KDR: variants seen among roughly 807,000 people sequenced by gnomAD.
KDR encodes the protein vascular endothelial growth factor receptor 2.
A neutral mutation model predicts 160.9 loss-of-function variants in KDR; 43 were observed. The ratio of observed to expected loss-of-function variants is 0.27; its 90% CI spans 0.21 to 0.34. The LOEUF (loss-of-function observed/expected upper bound fraction) is 0.34. KDR is among the 10% of genes least tolerant of loss of function. KDR has a pLI of 1.00. For synonymous variants in KDR, 617 were observed against 600.1 expected (o/e 1.03, Z -0.41); for missense variants, 1,469 against 1,666.4 (o/e 0.88, Z 2.06).
At chr4:55,115,812 T>G (rs188645544) in intron 3 of KDR, among the ~76,000 whole-genome samples, 1 of 152,312 alleles carries the variant, frequency 6.6e-6, no homozygotes, top group Admixed American at 6.5e-5. Context: ...ATCTATACAC[T>G]TTACCGACAA....
In KDR at chr4:55,102,342, G is replaced by A. The variant is rs771923606; in HGVS notation, c.2134+20C>T. ...TGGGAAAGTTCTGCAACCCAAGAGT[G>A]ATAGCCAAATTCTATTTACCTGAGT... On this transcript the variant is annotated intron_variant, in intron 14 of 29. Coordinates refer to ENST00000263923, the MANE Select transcript of KDR (RefSeq NM_002253.4). 5.6e-6 allele frequency: 9 copies of A among 1,611,916 alleles called. No individual in the cohort carries two copies. The highest frequency in any genetic ancestry group is 6.8e-6 in the Non-Finnish European group (8 of 1,178,260).
intron 22 of KDR, among the ~76,000 whole-genome samples, chr4:55,091,981 C>T (rs1354225963): frequency 6.6e-6 from 1 of 152,114 alleles, no homozygotes; most frequent in Admixed American, 6.6e-5. Flanking sequence ...TGTCCTTCCT[C>T]GTTTCTAATT....
intron 12 of KDR, 67 bp from the exon 13 acceptor site, chr4:55,105,051 G>T: frequency 1.6e-6 from 2 of 1,289,512 alleles, no homozygotes; most frequent in Non-Finnish European, 2.2e-6. Flanking sequence ...TCATCTTGCT[G>T]CTTTCAGACT....
At position 55,089,985 on chromosome 4, in the gene KDR, T is replaced by C; in HGVS notation, c.3163A>G (p.Lys1055Glu). 12 of 1,614,178 alleles carry C rather than the reference T, an allele frequency of 7.4e-6. No individual in the cohort carries two copies. The highest frequency in any genetic ancestry group is 9.3e-6 in the Non-Finnish European group (11 of 1,180,010). Residue 1055 changes from lysine (K) to glutamate (E), a missense_variant, in exon 23 of 30, where the codon AAA becomes GAA. Physicochemically the swap from Lys to Glu is moderately conservative, Grantham distance 56 (BLOSUM62 1). This residue lies in a region of KDR where 132 missense variants were observed against 195.9 expected (regional missense o/e 0.67). Coordinates refer to ENST00000263923, the MANE Select transcript of KDR (RefSeq NM_002253.4). ...CCTTTTCTGACATAATCTGGATCTT[T>C]ATAAATATCCCGGGCCAAGCCAAAG... Reference protein sequence around the residue: ...CDFGLARDIYKDPDYVRKGDA... With the variant: ...CDFGLARDIYEDPDYVRKGDA...
intron 18 of KDR, chr4:55,096,649 T>C (rs1022526608): frequency 7.3e-6 from 3 of 410,416 alleles, no homozygotes; most frequent in African/African-American, 6.1e-5. Context: ...TCTGCAAAAC[T>C]GGATTTTTGC....
intron 1 of KDR, 44 bp from the exon 2 acceptor site, chr4:55,121,234 G>T: frequency 1.5e-6 from 2 of 1,372,826 alleles, no homozygotes; most frequent in South Asian, 1.2e-5. Context: ...CACTGAGTTA[G>T]ACCTAATAGG....
intron 1 of KDR, 99 bp from the exon 2 acceptor site, chr4:55,121,289 T>C (rs1720867570): frequency 6.2e-6 from 5 of 803,832 alleles, no homozygotes; most frequent in Non-Finnish European, 1.1e-5. Flanking sequence ...TTAAAAGGCC[T>C]CTTCAGCAAT....
chr4:55,114,050 C>T (rs2110030787), intron 6 of KDR, 76 bp downstream of exon 6: 2 of 1,524,716 alleles, frequency 1.3e-6, no homozygotes, highest in South Asian at 2.2e-5. Flanking sequence ...CAAAGAGGCC[C>T]CTATCTCTCA....
chr4:55,101,907 G>A lies in KDR; in HGVS notation c.2256C>T (p.Phe752=). ...VLGCAKVEAF[F]IIEGAQEKTN... is the part of the protein sequence containing the mutation. ...TTTTATCCCACTGACCTTCTATTAT[G>A]AAAAATGCCTCCACTTTTGCACAGC... The change falls in exon 15 of 30, where the codon TTC becomes TTT. Residue 752 remains phenylalanine (F), a synonymous_variant. Transcript: ENST00000263923. 6.2e-7 allele frequency: 1 copy of A among 1,612,972 alleles called. No homozygotes were observed. Among genetic ancestry groups the A allele is most frequent in the South Asian group, 1.1e-5 (1 of 91,060 alleles).
At chr4:55,101,149 G>T (rs1175569153) in intron 15 of KDR, among the ~76,000 whole-genome samples, 1 of 152,112 alleles carries the variant, frequency 6.6e-6, no homozygotes, top group African/African-American at 2.4e-5. Flanking sequence ...CCATGATTAG[G>T]CAGCAATTCT....
chr4:55,108,979 T>C (rs1409721080), intron 9 of KDR, among the ~76,000 whole-genome samples: 3 of 152,170 alleles, frequency 2.0e-5, no homozygotes, highest in Non-Finnish European at 2.9e-5. Flanking sequence ...TGTTTTGTTT[T>C]TATTTCCTGT....
chr4:55,113,284 T>A lies in KDR; in HGVS notation c.976+20A>T, dbSNP rs1720641907. ...TCTCACTTGTCAAGGCACAGAATAATTTCCAAGACCATAGCTTACCATGGA... is the reference window on the plus strand; with the variant it reads ...TCTCACTTGTCAAGGCACAGAATAAATTCCAAGACCATAGCTTACCATGGA... On this transcript the variant is annotated intron_variant, in intron 7 of 29. Coordinates refer to ENST00000263923, the MANE Select transcript of KDR (RefSeq NM_002253.4). 6.2e-7 allele frequency: 1 copy of A among 1,612,374 alleles called. No individual in the cohort carries two copies. The highest frequency in any genetic ancestry group is 1.3e-5 in the African/African-American group (1 of 74,884).
rs370083230 is a variant in KDR, at chr4:55,102,429, C to G, written c.2067G>C (p.Thr689=). ...TCTGTGGAGGGGGATTCCCAGATGCCGTGCATGAGACTTCGATGCTTTCCC... is the reference window on the plus strand; with the variant it reads ...TCTGTGGAGGGGGATTCCCAGATGCGGTGCATGAGACTTCGATGCTTTCCC... ...SIGESIEVSC[T]ASGNPPPQIM... The change falls in exon 14 of 30, where the codon ACG becomes ACC. Residue 689 remains threonine (T), a synonymous_variant. Transcript: ENST00000263923. The G allele has an allele frequency of 6.2e-7, 1 of 1,613,568 alleles. No homozygotes were observed. Among genetic ancestry groups the G allele is most frequent in the South Asian group, 1.1e-5 (1 of 91,076 alleles).
rs111277722 is a variant in KDR at position 55,120,536 on chromosome 4, G to A, written c.161+561C>T. 3.2e-3 allele frequency among the ~76,000 whole-genome samples: 482 copies of A among 152,156 alleles called. 3 individuals carry two copies. Among genetic ancestry groups the A allele is most frequent in the African/African-American group, 0.011 (462 of 41,498 alleles). ...GATGCATTCCAGAATATCAAGGCAG[G>A]GCCCGAAGTCCATTATTTATGTAGA... On this transcript the variant is annotated intron_variant, in intron 2 of 29. Coordinates refer to ENST00000263923, the MANE Select transcript of KDR (RefSeq NM_002253.4).
intron 7 of KDR, 65 bp downstream of exon 7, chr4:55,113,239 A>C: frequency 6.6e-7 from 1 of 1,520,146 alleles, no homozygotes; most frequent in Non-Finnish European, 9.1e-7. Context: ...TCACTAAGTG[A>C]CCTAAATTTA....
At chr4:55,086,360 C>G (rs1322079757) in intron 27 of KDR, among the ~76,000 whole-genome samples, 1 of 152,110 alleles carries the variant, frequency 6.6e-6, no homozygotes, top group Non-Finnish European at 1.5e-5. Flanking sequence ...GATAAAGAAA[C>G]TGAGGCAGAG....
Position 55,096,329 on chromosome 4 carries a change from G to T in KDR, c.2628C>A (p.His876Gln), listed in dbSNP as rs1258858205. Residue 876 changes from histidine to glutamine, a missense_variant, in exon 19 of 30, where the codon CAC (histidine) becomes CAA (glutamine). Physicochemically the swap from His to Gln is conservative, Grantham distance 24. Around this residue, in one of 7 missense-constraint regions of KDR, gnomAD observed 151 missense variants for 207.2 expected, o/e 0.73. Transcript: ENST00000263923. ...AVKMLKEGAT[H>Q]SEHRALMSEL... ...CAGACATGAGAGCTCGATGCTCACT[G>T]TGTGTTGCTCCTTCTACAAATACAG... 1.2e-6 allele frequency: 2 copies of T among 1,610,512 alleles called. No homozygotes were observed. Among genetic ancestry groups the T allele is most frequent in the East Asian group, 2.2e-5 (1 of 44,830 alleles).
Position 55,079,614 on chromosome 4 carries a change from A to G in KDR, c.*327T>C, listed in dbSNP as rs1256045237. 4 of 433,676 alleles carry G rather than the reference A, an allele frequency of 9.2e-6. No homozygotes were observed. The highest frequency in any genetic ancestry group is 5.2e-5 in the South Asian group (2 of 38,656). 26.9% of individuals were successfully genotyped at this position (433,676 alleles called of 1,614,324 possible). A position where few individuals can be genotyped will look rare whatever the true frequency, so the allele number is the denominator to read the frequency against. On this transcript the variant is annotated 3_prime_UTR_variant, in exon 30 of 30. Coordinates refer to ENST00000263923, the MANE Select transcript of KDR (RefSeq NM_002253.4). ...AAGTGTCAGCTCCCCAGGTACTGCT[A>G]CTTCTTTGAGGATGGGGCCATTTCT...
intron 25 of KDR, 61 bp from the exon 26 acceptor site, chr4:55,089,034 G>T: frequency 2.6e-6 from 3 of 1,173,644 alleles, no homozygotes; most frequent in Admixed American, 1.8e-5. Context: ...CTGAAAATAA[G>T]CACTTAAATG....
Sources: allele counts gnomAD v4.1 joint callset (sites outside exome capture counted in the v4.1 genomes callset), GRCh38; gene constraint gnomAD v4.1.1; regional missense constraint gnomAD v4.1.1; transcripts MANE v1.5; gene names NCBI Gene and HGNC (gene_info 2026-07-23, HGNC 2026-07-21).